PDS5B: variants seen among roughly 807,000 people sequenced by gnomAD.
The protein encoded by PDS5B is PDS5 cohesin associated factor B.
A neutral mutation model predicts 184.1 loss-of-function variants in PDS5B; 51 were observed. The ratio of observed to expected loss-of-function variants is 0.28; its 90% CI spans 0.22 to 0.35. PDS5B has a LOEUF of 0.35. Among genes scored for constraint, PDS5B ranks in the 10% least tolerant of loss-of-function variants. The pLI is 1.00. For synonymous variants in PDS5B, 566 were observed against 569.2 expected (o/e 0.99, Z 0.08); for missense variants, 1,180 against 1,723.3 (o/e 0.68, Z 5.58).
At chr13:32,697,905 A>C (rs887409318) in intron 15 of PDS5B, among the ~76,000 whole-genome samples, 1 of 152,142 alleles carries the variant, frequency 6.6e-6, no homozygotes. Flanking sequence ...TTAAGAGACT[A>C]GGTCTTCCTA....
At chr13:32,728,622 C>T (rs996113470) in intron 19 of PDS5B, among the ~76,000 whole-genome samples, 10 of 152,088 alleles carry the variant, frequency 6.6e-5, no homozygotes, top group African/African-American at 2.4e-4. Context: ...TCTCCCTCAA[C>T]CCAGGCTCTA....
chr13:32,600,851 T>G (rs547198342), intron 1 of PDS5B, among the ~76,000 whole-genome samples: 3 of 152,352 alleles, frequency 2.0e-5, no homozygotes, highest in Admixed American at 6.5e-5. Flanking sequence ...CTGAGTTCTT[T>G]GAGCTTTTTA....
intron 26 of PDS5B, among the ~76,000 whole-genome samples, chr13:32,757,768 T>A (rs1954237625): frequency 6.6e-6 from 1 of 152,182 alleles, no homozygotes; most frequent in Non-Finnish European, 1.5e-5. Context: ...TGACAGTCTT[T>A]AACTCCCTGT....
chr13:32,633,306 A>C (rs759936544), intron 1 of PDS5B, among the ~76,000 whole-genome samples: 2 of 152,184 alleles, frequency 1.3e-5, no homozygotes, highest in Non-Finnish European at 2.9e-5. Flanking sequence ...GGTAGATTCT[A>C]TGTTACATAT....
At chr13:32,625,561 AT>A (rs2058358505) in intron 1 of PDS5B, among the ~76,000 whole-genome samples, 1 of 151,904 alleles carries the variant, frequency 6.6e-6, no homozygotes, top group Non-Finnish European at 1.5e-5. Context: ...ATTTATCCTG[AT>A]GGGGTTTTGT....
Position 32,766,974 on chromosome 13 carries a change from TTCTTA to T in PDS5B, c.3624+2385_3624+2389del, listed in dbSNP as rs148633552. On this transcript the variant is annotated intron_variant, in intron 31 of 34. Transcript: ENST00000315596. ...GTTCTAATTTAACATTTCTTTTACC[TTCTTA>T]TCTTTGAGTAAAAACAGTTAATTTT... is the stretch of plus-strand genomic sequence containing the variant. 2.2e-3 allele frequency among the ~76,000 whole-genome samples: 331 copies of T among 152,282 alleles called. 2 individuals are homozygous for T. The highest frequency in any genetic ancestry group is 7.3e-3 in the African/African-American group (303 of 41,578).
At chr13:32,644,909 A>G (rs1467814416) in intron 1 of PDS5B, among the ~76,000 whole-genome samples, 1 of 152,204 alleles carries the variant, frequency 6.6e-6, no homozygotes, top group Non-Finnish European at 1.5e-5. Context: ...ATAAACACTT[A>G]TGAATATATT....
chr13:32,651,699 G>A (rs995729001), intron 2 of PDS5B, 105 bp from the exon 3 acceptor site: 16 of 636,116 alleles, frequency 2.5e-5, no homozygotes, highest in Non-Finnish European at 8.2e-6. Context: ...AAAAATGAAA[G>A]TATATTCATT....
At chr13:32,731,936 A>G (rs1426997929) in intron 19 of PDS5B, among the ~76,000 whole-genome samples, 165 bp from the exon 20 acceptor site, 1 of 152,202 alleles carries the variant, frequency 6.6e-6, no homozygotes, top group African/African-American at 2.4e-5. Context: ...TAATATAAAT[A>G]TTTATAAAGC....
intron 19 of PDS5B, among the ~76,000 whole-genome samples, chr13:32,725,982 C>G (rs1407880252): frequency 6.6e-6 from 1 of 151,900 alleles, no homozygotes; most frequent in Non-Finnish European, 1.5e-5. Context: ...TACCCTTGTT[C>G]ATTTGTTTCA....
rs760729065 is a variant in PDS5B, at chr13:32,770,184, G to C, written c.3688G>C (p.Gly1230Arg). 5.6e-6 allele frequency: 9 copies of C among 1,613,742 alleles called. No individual in the cohort carries two copies. Among genetic ancestry groups the C allele is most frequent in the Non-Finnish European group, 4.2e-6 (5 of 1,179,978 alleles). ...CGTCACAGAACAGGAGGAGAAATTA[G>C]GTATGGATGACTTGACTAAGTTGGT... The part of the protein sequence containing the change: ...TPVTEQEEKL[G>R]MDDLTKLVQE... Residue 1230 changes from glycine to arginine, a missense_variant, in exon 32 of 35, where the codon GGT (glycine) becomes CGT (arginine). This residue lies in a region of PDS5B where 465 missense variants were observed against 497.8 expected (regional missense o/e 0.93). Coordinates refer to ENST00000315596, the MANE Select transcript of PDS5B (RefSeq NM_015032.4).
At chr13:32,606,525 G>A (rs2058063160) in intron 1 of PDS5B, among the ~76,000 whole-genome samples, 1 of 152,158 alleles carries the variant, frequency 6.6e-6, no homozygotes, top group South Asian at 2.1e-4. Context: ...CAACTTTGGT[G>A]AATCTGACAA....
At chr13:32,654,747 A>G (rs754645082) in intron 3 of PDS5B, among the ~76,000 whole-genome samples, 32 of 152,102 alleles carry the variant, frequency 2.1e-4, no homozygotes, top group Non-Finnish European at 3.4e-4. Context: ...TATGTACTCA[A>G]TGTTTAGCTC....
chr13:32,674,810 A>G (rs779777686), intron 8 of PDS5B, among the ~76,000 whole-genome samples: 2 of 152,174 alleles, frequency 1.3e-5, no homozygotes, highest in African/African-American at 2.4e-5. Flanking sequence ...GCATAAAGTA[A>G]GTTTAAATCA....
At chr13:32,638,566 T>C (rs2058602697) in intron 1 of PDS5B, among the ~76,000 whole-genome samples, 1 of 152,092 alleles carries the variant, frequency 6.6e-6, no homozygotes, top group Non-Finnish European at 1.5e-5. Flanking sequence ...GGGGAGGTAT[T>C]TGTAGTCTAA....
chr13:32,705,519 C>T (rs1217498624), intron 17 of PDS5B, among the ~76,000 whole-genome samples: 2 of 151,982 alleles, frequency 1.3e-5, no homozygotes, highest in South Asian at 2.1e-4. Context: ...ATAATATTTT[C>T]GTAGAAGCAT....
intron 25 of PDS5B, among the ~76,000 whole-genome samples, chr13:32,754,705 C>T (rs1230525083): frequency 6.6e-6 from 1 of 152,006 alleles, no homozygotes; most frequent in African/African-American, 2.4e-5. Flanking sequence ...TCCTTATTTG[C>T]AAAATTGATA....
intron 19 of PDS5B, among the ~76,000 whole-genome samples, chr13:32,724,356 C>T (rs1159700898): frequency 2.0e-5 from 3 of 152,174 alleles, no homozygotes; most frequent in Middle Eastern, 3.4e-3. Flanking sequence ...GGGCTCAAGC[C>T]ACCCTTCCTC....
chr13:32,703,687 T>A (rs1951925980), intron 17 of PDS5B, among the ~76,000 whole-genome samples: 1 of 152,164 alleles, frequency 6.6e-6, no homozygotes, highest in Admixed American at 6.5e-5. Flanking sequence ...ACAGAAAAAT[T>A]CTACTTTTAG....
Sources: gnomAD v4.1 joint callset for allele counts (sites outside exome capture counted in the v4.1 genomes callset) on GRCh38, gnomAD v4.1.1 for gene constraint, gnomAD v4.1.1 regional missense constraint, MANE v1.5 for transcripts, NCBI Gene and HGNC (gene_info 2026-07-23, HGNC 2026-07-21) for gene names.